HPCAL1: variants seen among roughly 807,000 people sequenced by gnomAD.
HPCAL1 encodes hippocalcin-like protein 1.
HPCAL1 carries 8 observed loss-of-function variants against 17.1 expected under a neutral mutation model. The ratio of observed to expected loss-of-function variants is 0.47; its 90% CI spans 0.27 to 0.84. HPCAL1 has a LOEUF of 0.84. Ranked by LOEUF, HPCAL1 falls within the 40% of genes least tolerant of loss-of-function variation. The probability of loss-of-function intolerance (pLI) is 0.13; values close to 1 mark genes in which losing one functional copy is unlikely to be tolerated. For missense variants in HPCAL1, 165 were observed against 271.1 expected (o/e 0.61, Z 2.75); for synonymous variants, 112 against 111.4 (o/e 1.01, Z -0.03).
chr2:10,385,832 A>G (rs905838806), intron 1 of HPCAL1, among the ~76,000 whole-genome samples: 2 of 152,116 alleles, frequency 1.3e-5, no homozygotes, highest in African/African-American at 2.4e-5. Context: ...CAGCAGGAGA[A>G]TTTGGCTTAA....
At chr2:10,402,676 T>C (rs1299718946) in intron 2 of HPCAL1, among the ~76,000 whole-genome samples, 1 of 152,200 alleles carries the variant, frequency 6.6e-6, no homozygotes, top group South Asian at 2.1e-4. Context: ...CCCAGAGATA[T>C]TAAACATGAA....
At chr2:10,328,929 G>A (rs530633237) in intron 1 of HPCAL1, among the ~76,000 whole-genome samples, 28 of 151,600 alleles carry the variant, frequency 1.8e-4, no homozygotes, top group Middle Eastern at 3.4e-3. Context: ...GATCACTAGT[G>A]GTGAGCCTTT....
At chr2:10,420,208 G>GTTTTTT in intron 3 of HPCAL1, 73 bp downstream of exon 3, 1 of 734,156 alleles carries the variant, frequency 1.4e-6, no homozygotes, top group Non-Finnish European at 1.8e-6. Flanking sequence ...CCAGCCCAGG[G>GTTTTTT]CTTTTTTTTT....
chr2:10,422,296 A>T (rs563483980), intron 3 of HPCAL1, among the ~76,000 whole-genome samples: 1 of 152,322 alleles, frequency 6.6e-6, no homozygotes, highest in East Asian at 1.9e-4. Flanking sequence ...CTTCACGTGG[A>T]GTGCTCAGAA....
At chr2:10,409,775 GTC>G (rs1670214876) in intron 2 of HPCAL1, among the ~76,000 whole-genome samples, 3 of 98,496 alleles carry the variant, frequency 3.0e-5, no homozygotes, top group East Asian at 3.4e-4. Flanking sequence ...CTGAGCCTCA[GTC>G]TTTTTTTTTT....
intron 2 of HPCAL1, among the ~76,000 whole-genome samples, chr2:10,405,325 G>A (rs1669901821): frequency 6.6e-6 from 1 of 152,204 alleles, no homozygotes; most frequent in Admixed American, 6.5e-5. Flanking sequence ...AAACAGGCTG[G>A]GTCTGGAGCG....
At chr2:10,351,497 C>T (rs187986375) in intron 1 of HPCAL1, among the ~76,000 whole-genome samples, 2 of 152,204 alleles carry the variant, frequency 1.3e-5, no homozygotes, top group African/African-American at 4.8e-5. Context: ...ATGGCTCATG[C>T]CAATAATCAT....
intron 1 of HPCAL1, among the ~76,000 whole-genome samples, chr2:10,327,599 G>C (rs1415985095): frequency 3.3e-5 from 5 of 152,138 alleles, no homozygotes; most frequent in Non-Finnish European, 5.9e-5. Flanking sequence ...TCAACTAACT[G>C]CATTTGTGTT....
At chr2:10,308,516 C>T (rs941414787) in intron 1 of HPCAL1, among the ~76,000 whole-genome samples, 9 of 152,102 alleles carry the variant, frequency 5.9e-5, no homozygotes, top group African/African-American at 9.7e-5. Context: ...TTCATAGGTT[C>T]GGCCCAAGAG....
intron 1 of HPCAL1, among the ~76,000 whole-genome samples, chr2:10,320,148 G>A (rs1309428150): frequency 2.0e-5 from 3 of 152,152 alleles, no homozygotes; most frequent in African/African-American, 7.2e-5. Context: ...TGATGCCTGA[G>A]CTCCTGTGGC....
chr2:10,312,216 CCATCATCACTGTCATCACCAT>C (rs1342581808), intron 1 of HPCAL1, among the ~76,000 whole-genome samples: 3 of 25,308 alleles, frequency 1.2e-4, no homozygotes, highest in African/African-American at 1.1e-4. Context: ...TCATCAACAT[CCATCATCACTGTCATCACCAT>C]CATCATCACT....
intron 1 of HPCAL1, among the ~76,000 whole-genome samples, chr2:10,368,024 T>C (rs2125503043): frequency 6.6e-6 from 1 of 152,180 alleles, no homozygotes; most frequent in Admixed American, 6.5e-5. Context: ...TGTAGATGTG[T>C]GTGCATATGG....
intron 1 of HPCAL1, among the ~76,000 whole-genome samples, chr2:10,325,321 G>A (rs1663941573): frequency 6.6e-6 from 1 of 152,170 alleles, no homozygotes; most frequent in Non-Finnish European, 1.5e-5. Flanking sequence ...TCACAGGTGT[G>A]CTCTCCCACA....
intron 4 of HPCAL1, chr2:10,424,707 G>A (rs1228866528): frequency 2.2e-6 from 1 of 456,606 alleles, no homozygotes; most frequent in African/African-American, 2.0e-5. Context: ...GCCTGTCCCT[G>A]GAGCTTGGGG....
intron 1 of HPCAL1, among the ~76,000 whole-genome samples, chr2:10,355,263 A>G (rs1324687018): frequency 6.6e-6 from 1 of 151,716 alleles, no homozygotes; most frequent in African/African-American, 2.4e-5. Flanking sequence ...CATCCTGGCT[A>G]AAACGGGGAA....
rs1665133881 is a variant in HPCAL1 at position 10,342,202 on chromosome 2, C to T, written c.-111+39025C>T. On this transcript the variant is annotated intron_variant, in intron 1 of 4. Transcript: ENST00000307845. The surrounding 1 kb of genome is among the most constrained non-coding windows in gnomAD (Gnocchi z 4.1). ...TAATAATAATAATAAAGCTTTGCTC[C>T]CCGTTTCATTTAGATGGAGCGTTTG... Among the ~76,000 whole-genome samples, 2 of 152,022 alleles carry T rather than the reference C, an allele frequency of 1.3e-5. No individual in the cohort carries two copies. Among genetic ancestry groups the T allele is most frequent in the African/African-American group, 4.8e-5 (2 of 41,376 alleles).
rs1670902604 is a variant in HPCAL1, at chr2:10,419,589, A to AGC, written c.-24-143_-24-142dup. ...TGGCCTTCTTGGTGGTCCATAAGAT[A>AGC]GCGGCATGCCTTCCGATGGGGGACC... On this transcript the variant is annotated intron_variant, in intron 2 of 4. Coordinates refer to ENST00000307845, the MANE Select transcript of HPCAL1 (RefSeq NM_002149.4). This position sits in a 1 kb window ranked among gnomAD's most constrained non-coding sequence, Gnocchi z 5.0. The AGC allele has an allele frequency of 1.2e-5, 8 of 676,164 alleles. No homozygotes were observed. In the South Asian group the frequency reaches 1.6e-4, roughly 13 times the overall value. The allele number at this position is 676,164 out of a possible 1,614,324, so 41.9% of individuals were successfully genotyped here.
intron 1 of HPCAL1, among the ~76,000 whole-genome samples, chr2:10,372,811 G>A (rs1667311171): frequency 1.3e-5 from 2 of 152,348 alleles, no homozygotes; most frequent in African/African-American, 4.8e-5. Context: ...GAGCCTGTGG[G>A]TGTGTAAGGA....
intron 1 of HPCAL1, among the ~76,000 whole-genome samples, chr2:10,320,545 G>A (rs1475644004): frequency 6.6e-6 from 1 of 152,228 alleles, no homozygotes; most frequent in East Asian, 1.9e-4. Flanking sequence ...GTGGAACCGT[G>A]AGCCAATTAA....
Sources: gnomAD v4.1 joint callset for allele counts (sites outside exome capture counted in the v4.1 genomes callset) on GRCh38, gnomAD v4.1.1 for gene constraint, Gnocchi (gnomAD v3.1) non-coding constraint, MANE v1.5 for transcripts, NCBI Gene and HGNC (gene_info 2026-07-23, HGNC 2026-07-21) for gene names.